ADH7: variants seen among roughly 807,000 people sequenced by gnomAD.
The protein encoded by ADH7 is all-trans-retinol dehydrogenase [NAD(+)] ADH7.
A neutral mutation model predicts 34.4 loss-of-function variants in ADH7; 41 were observed. The observed-to-expected ratio is 1.19, with a 90% CI of 0.93 to 1.55. The LOEUF (loss-of-function observed/expected upper bound fraction) is 1.55. Ranked by LOEUF, ADH7 falls within the 40% of genes most tolerant of loss-of-function variation. The pLI is 0.00. For synonymous variants in ADH7, 180 were observed against 160.9 expected (o/e 1.12, Z -0.90); for missense variants, 540 against 461.2 (o/e 1.17, Z -1.56).
rs182155942 is a variant in ADH7 at position 99,412,824 on chromosome 4, A to G, written c.*324T>C. On this transcript the variant is annotated 3_prime_UTR_variant, in exon 9 of 9. Transcript: ENST00000437033. ...ATACGCTATATCTGTTTTGAGTTAT[A>G]TATCTGCAGCAGCTGGTTAAAACTC... is the stretch of plus-strand genomic sequence containing the variant. The G allele has an allele frequency of 4.9e-3, 1,264 of 258,330 alleles. 6 individuals carry two copies. The highest frequency in any genetic ancestry group is 7.4e-3 in the Non-Finnish European group (1,022 of 137,366). The allele number at this position is 258,330 out of a possible 1,614,324, so 16.0% of individuals were successfully genotyped here.
chr4:99,434,927 A>C, intron 1 of ADH7: 1 of 1,076,542 alleles, frequency 9.3e-7, no homozygotes, highest in Non-Finnish European at 1.3e-6. Flanking sequence ...GCAATTGCCC[A>C]GCTATCCGGA....
chr4:99,414,149 C>T (rs939366437), intron 8 of ADH7, among the ~76,000 whole-genome samples: 6 of 152,132 alleles, frequency 3.9e-5, no homozygotes, highest in Non-Finnish European at 8.8e-5. Context: ...GCAGGCCATA[C>T]TAAGCTGTTA....
chr4:99,424,842 C>T (rs1306249497), intron 5 of ADH7, among the ~76,000 whole-genome samples: 2 of 152,094 alleles, frequency 1.3e-5, no homozygotes, highest in African/African-American at 4.8e-5. Flanking sequence ...TTGACTTCCT[C>T]TTTTCCTAAT....
chr4:99,420,859 C>A (rs1469487989), intron 5 of ADH7, 66 bp from the exon 6 acceptor site: 8 of 1,501,826 alleles, frequency 5.3e-6, no homozygotes, highest in African/African-American at 1.4e-5. Flanking sequence ...TGAAAAGGGC[C>A]TCCAGTTAAA....
chr4:99,426,419 A>G (rs1393007597), intron 5 of ADH7, among the ~76,000 whole-genome samples: 1 of 152,204 alleles, frequency 6.6e-6, no homozygotes, highest in Non-Finnish European at 1.5e-5. Flanking sequence ...CCATCAGAGA[A>G]TACTACAAAC....
At chr4:99,417,672 T>C (rs781388134) in intron 7 of ADH7, among the ~76,000 whole-genome samples, 28 of 152,134 alleles carry the variant, frequency 1.8e-4, no homozygotes, top group Non-Finnish European at 2.1e-4. Flanking sequence ...ACTTGGTATG[T>C]TTTGTCTCTT....
At chr4:99,423,044 C>G (rs1197803256) in intron 5 of ADH7, among the ~76,000 whole-genome samples, 1 of 114,698 alleles carries the variant, frequency 8.7e-6, no homozygotes, top group East Asian at 2.8e-4. Flanking sequence ...CACCCCACAA[C>G]AGTCTCCAGA....
chr4:99,418,442 G>A (rs1031822148), intron 7 of ADH7, among the ~76,000 whole-genome samples: 5 of 152,044 alleles, frequency 3.3e-5, no homozygotes, highest in Admixed American at 3.3e-4. Context: ...GGAAAAAAAA[G>A]GACTCACTGT....
At chr4:99,434,589 C>T (rs1012961642) in intron 1 of ADH7, among the ~76,000 whole-genome samples, 1 of 151,880 alleles carries the variant, frequency 6.6e-6, no homozygotes, top group African/African-American at 2.4e-5. Context: ...AAAAACAAAG[C>T]AAAGCTGTTT....
At chr4:99,428,718 A>G in intron 2 of ADH7, 88 bp from the exon 3 acceptor site, 1 of 1,474,576 alleles carries the variant, frequency 6.8e-7, no homozygotes, top group Non-Finnish European at 9.1e-7. Flanking sequence ...AGAAATTATA[A>G]TTGTTTAATC....
chr4:99,427,757 C>T lies in ADH7; in HGVS notation c.564+16G>A. 5.4e-6 allele frequency: 8 copies of T among 1,487,462 alleles called. No individual in the cohort carries two copies. Among genetic ancestry groups the T allele is most frequent in the Non-Finnish European group, 7.2e-6 (8 of 1,115,200 alleles). The allele number at this position is 1,487,462 out of a possible 1,614,324, so 92.1% of individuals were successfully genotyped here. On this transcript the variant is annotated intron_variant, in intron 5 of 8. Transcript: ENST00000437033. ...AGGAAAGAAGAACAAATAAACTAGC[C>T]TACCCTGTTTCTTACCTTGCCAGTT...
chr4:99,419,206 A>G, intron 6 of ADH7, 85 bp from the exon 7 acceptor site: 1 of 1,414,520 alleles, frequency 7.1e-7, no homozygotes, highest in East Asian at 2.5e-5. Flanking sequence ...GTACTATGAC[A>G]AAGTCATGAA....
intron 2 of ADH7, 39 bp downstream of exon 2, chr4:99,429,493 T>G: frequency 5.4e-6 from 8 of 1,470,104 alleles, no homozygotes; most frequent in Non-Finnish European, 7.5e-6. Flanking sequence ...ATAAGTTTGA[T>G]AACGCTTTTG....
At chr4:99,429,161 C>T (rs965102684) in intron 2 of ADH7, among the ~76,000 whole-genome samples, 1 of 152,180 alleles carries the variant, frequency 6.6e-6, no homozygotes, top group Non-Finnish European at 1.5e-5. Flanking sequence ...GTCATTTCTC[C>T]AGGCACAAGT....
intron 7 of ADH7, among the ~76,000 whole-genome samples, chr4:99,417,704 T>C (rs1477673492): frequency 1.3e-5 from 2 of 152,200 alleles, no homozygotes; most frequent in African/African-American, 4.8e-5. Flanking sequence ...GCTCCTGGAA[T>C]GGTACACTAT....
chr4:99,422,098 T>C (rs902770425), intron 5 of ADH7, among the ~76,000 whole-genome samples: 3 of 152,210 alleles, frequency 2.0e-5, no homozygotes, highest in South Asian at 2.1e-4. Flanking sequence ...AGTATGGCAA[T>C]TCCTCAAGGA....
chr4:99,420,488 C>A, intron 6 of ADH7, 45 bp downstream of exon 6: 2 of 1,583,162 alleles, frequency 1.3e-6, no homozygotes, highest in Non-Finnish European at 1.7e-6. Flanking sequence ...TTGTGCATGT[C>A]TAATAACTTG....
At chr4:99,422,204 G>C (rs945212040) in intron 5 of ADH7, among the ~76,000 whole-genome samples, 2 of 152,162 alleles carry the variant, frequency 1.3e-5, no homozygotes, top group African/African-American at 4.8e-5. Flanking sequence ...ACATGCACAC[G>C]TATGTTTATT....
chr4:99,429,439 C>G (rs1425728468), intron 2 of ADH7, 93 bp downstream of exon 2: 3 of 839,338 alleles, frequency 3.6e-6, no homozygotes, highest in African/African-American at 1.7e-5. Flanking sequence ...TGGGAAGCAT[C>G]TCCTTATTTA....
Sources: gnomAD v4.1 joint callset for allele counts (sites outside exome capture counted in the v4.1 genomes callset) on GRCh38, gnomAD v4.1.1 for gene constraint, MANE v1.5 for transcripts, NCBI Gene and HGNC (gene_info 2026-07-23, HGNC 2026-07-21) for gene names.